The following HOXA3 variants were observed in gnomAD, a reference collection of about 807,000 sequenced individuals.
The protein encoded by HOXA3 is homeobox A3.
HOXA3 carries 8 observed loss-of-function variants against 30.3 expected under a neutral mutation model. The ratio of observed to expected loss-of-function variants is 0.26; its 90% CI spans 0.15 to 0.48. The LOEUF (loss-of-function observed/expected upper bound fraction) is 0.48. HOXA3 is among the 20% of genes least tolerant of loss of function. HOXA3 has a pLI of 0.99. For missense variants in HOXA3, 653 were observed against 614.4 expected (o/e 1.06, Z -0.66); for synonymous variants, 323 against 273.1 (o/e 1.18, Z -1.80).
intron 3 of HOXA3, among the ~76,000 whole-genome samples, chr7:27,124,769 T>G (rs1190297068): frequency 6.6e-6 from 1 of 152,218 alleles, no homozygotes; most frequent in East Asian, 1.9e-4. Context: ...CTTTATCAGC[T>G]GCAACCAGGG....
At chr7:27,129,589 C>T (rs1264458193) in intron 2 of HOXA3, 25 of 1,608,550 alleles carry the variant, frequency 1.6e-5, no homozygotes, top group African/African-American at 2.7e-5. Context: ...CCCAGAACCC[C>T]GAAATAGAAG....
chr7:27,142,611 C>A lies in HOXA3; in HGVS notation c.-493-2425G>T, dbSNP rs78416026. 21 of 192,570 alleles carry A rather than the reference C, an allele frequency of 1.1e-4. No individual in the cohort carries two copies. In the East Asian group the frequency reaches 3.0e-3, roughly 27 times the overall value. The allele number at this position is 192,570 out of a possible 1,614,324, so 11.9% of individuals were successfully genotyped here. On this transcript the variant is annotated intron_variant, in intron 1 of 5. Coordinates refer to ENST00000612286, the MANE Select transcript of HOXA3 (RefSeq NM_153631.3). ...TGCAGGCTCTCGCCTCGATTCTTTC[C>A]CCCAAGCCCCTTTTCGGGGGCTGTA...
intron 2 of HOXA3, chr7:27,130,074 C>G: frequency 1.3e-6 from 2 of 1,548,532 alleles, no homozygotes; most frequent in Non-Finnish European, 1.7e-6. Flanking sequence ...AACCCAGGCC[C>G]AGCCCCGGCC....
intron 1 of HOXA3, chr7:27,143,046 C>A: frequency 6.6e-7 from 1 of 1,508,774 alleles, no homozygotes; most frequent in East Asian, 2.4e-5. Flanking sequence ...CTGGCTTTAC[C>A]ATGACTTATG....
At chr7:27,151,095 A>T (rs1341281786) in intron 1 of HOXA3, 2 of 152,462 alleles carry the variant, frequency 1.3e-5, no homozygotes, top group African/African-American at 4.8e-5. Context: ...GAGCGCACGC[A>T]GAGCACGGGC....
intron 3 of HOXA3, chr7:27,124,492 A>G (rs1208127172): frequency 1.3e-5 from 2 of 152,252 alleles, no homozygotes; most frequent in African/African-American, 4.8e-5. Context: ...AAAGGCCCCA[A>G]GATCTGGTGA....
At position 27,108,702 on chromosome 7, in the gene HOXA3, T is replaced by C. The variant is rs1784175643; in HGVS notation, c.545A>G (p.Asp182Gly). The change falls in exon 6 of 6, where the codon GAC (aspartate) becomes GGC (glycine). Residue 182 changes from aspartate to glycine, a missense_variant. Transcript: ENST00000612286. The surrounding 1 kb of genome is among the most constrained non-coding windows in gnomAD (Gnocchi z 5.0). Reference protein sequence around the residue: ...SSSSGESCAGDKSPPGQASSK... With the variant: ...SSSSGESCAGGKSPPGQASSK... The stretch of plus-strand genomic sequence containing the variant: ...CGAAGCCTGCCCCGGCGGGCTCTTG[T>C]CGCCAGCGCAGCTTTCGCCTGCGAG... 1.2e-6 allele frequency: 2 copies of C among 1,603,400 alleles called. No individual in the cohort carries two copies. Among genetic ancestry groups the C allele is most frequent in the Non-Finnish European group, 1.7e-6 (2 of 1,172,764 alleles).
At position 27,108,088 on chromosome 7, in the gene HOXA3, G is replaced by A; in HGVS notation, c.1159C>T (p.His387Tyr). The change falls in exon 6 of 6, where the codon CAC (histidine) becomes TAC (tyrosine). Residue 387 changes from histidine (H) to tyrosine (Y), a missense_variant. Around this residue, in one of 3 missense-constraint regions of HOXA3, gnomAD observed 330 missense variants for 274.4 expected, o/e 1.20. Transcript: ENST00000612286. This position sits in a 1 kb window ranked among gnomAD's most constrained non-coding sequence, Gnocchi z 5.0. ...NSGPALFGLTHLPHAASGAMD... is the reference protein window; with the variant it reads ...NSGPALFGLTYLPHAASGAMD... ...GCGCCCGAGGCAGCGTGGGGGAGGT[G>A]AGTTAGACCAAAGAGGGCTGGCCCG... 1.2e-6 allele frequency: 2 copies of A among 1,612,616 alleles called. No individual in the cohort carries two copies. Among genetic ancestry groups the A allele is most frequent in the Non-Finnish European group, 8.5e-7 (1 of 1,179,004 alleles).
intron 1 of HOXA3, among the ~76,000 whole-genome samples, chr7:27,147,935 G>A (rs922716524): frequency 6.6e-6 from 1 of 152,244 alleles, no homozygotes; most frequent in African/African-American, 2.4e-5. Context: ...CGGGGACCGC[G>A]GCGACCGAGG....
chr7:27,115,244 T>G (rs1315524032), intron 4 of HOXA3: 1 of 152,086 alleles, frequency 6.6e-6, no homozygotes, highest in Non-Finnish European at 1.5e-5. Flanking sequence ...GGTGGCCTCA[T>G]GCATACCAAT....
chr7:27,135,835 A>G (rs1785694157), intron 2 of HOXA3, among the ~76,000 whole-genome samples: 1 of 152,242 alleles, frequency 6.6e-6, no homozygotes, highest in African/African-American at 2.4e-5. Flanking sequence ...TGGTTCTCCA[A>G]CACCTAAGGT....
intron 4 of HOXA3, among the ~76,000 whole-genome samples, chr7:27,112,696 C>T (rs951118272): frequency 7.9e-5 from 12 of 152,194 alleles, no homozygotes; most frequent in African/African-American, 2.9e-4. Flanking sequence ...TCTGCCATTA[C>T]AAATTTTTTA....
chr7:27,141,784 A>C (rs1001169296), intron 1 of HOXA3: 17 of 1,588,560 alleles, frequency 1.1e-5, no homozygotes, highest in Non-Finnish European at 1.3e-5. Flanking sequence ...CTTAGTACTG[A>C]CACTACGCGG....
chr7:27,130,913 C>A, intron 2 of HOXA3: 1 of 658,234 alleles, frequency 1.5e-6, no homozygotes, highest in East Asian at 2.9e-5. Flanking sequence ...AAGTTCGAGC[C>A]GCTCCTCCCC....
intron 4 of HOXA3, among the ~76,000 whole-genome samples, chr7:27,121,589 C>G (rs1315155075): frequency 6.6e-6 from 1 of 152,180 alleles, no homozygotes; most frequent in Non-Finnish European, 1.5e-5. Flanking sequence ...AGCCTTATAG[C>G]ACGACTGAAT....
chr7:27,145,413 C>T (rs889306118), intron 1 of HOXA3: 42 of 599,624 alleles, frequency 7.0e-5, no homozygotes, highest in Middle Eastern at 4.5e-4. Flanking sequence ...GTGCAGTGCG[C>T]CCCGCTCCAC....
At chr7:27,125,881 AGG>A (rs1213559177) in intron 3 of HOXA3, among the ~76,000 whole-genome samples, 2 of 152,226 alleles carry the variant, frequency 1.3e-5, no homozygotes, top group Non-Finnish European at 2.9e-5. Context: ...TTAGGGGAAC[AGG>A]GGGACAGAGG....
chr7:27,129,475 C>A, intron 2 of HOXA3: 5 of 1,614,094 alleles, frequency 3.1e-6, no homozygotes, highest in Non-Finnish European at 4.2e-6. Flanking sequence ...GGTCAGGTAT[C>A]GATTGAAGTG....
chr7:27,112,084 T>G (rs1419745606), intron 4 of HOXA3, among the ~76,000 whole-genome samples: 2 of 152,254 alleles, frequency 1.3e-5, no homozygotes, highest in Admixed American at 1.3e-4. Context: ...GAAAGCAGTT[T>G]GCAAAAGTTA....
Sources: gnomAD v4.1 joint callset for allele counts (sites outside exome capture counted in the v4.1 genomes callset) on GRCh38, gnomAD v4.1.1 for gene constraint, gnomAD v4.1.1 regional missense constraint, Gnocchi (gnomAD v3.1) non-coding constraint, MANE v1.5 for transcripts, NCBI Gene and HGNC (gene_info 2026-07-23, HGNC 2026-07-21) for gene names.